The following DLC1 variants were observed in gnomAD, a reference collection of about 807,000 sequenced individuals.
DLC1 encodes DLC1 Rho GTPase activating protein, also known as rho GTPase-activating protein 7.
DLC1 carries 54 observed loss-of-function variants against 140.3 expected under a neutral mutation model. The ratio of observed to expected loss-of-function variants is 0.38; its 90% confidence interval spans 0.31 to 0.48. The LOEUF (loss-of-function observed/expected upper bound fraction) is 0.48. DLC1 is among the 20% of genes least tolerant of loss of function. The pLI is 0.96. For missense variants in DLC1, 2,536 were observed against 1,907.0 expected, an observed-to-expected ratio of 1.33 and a Z score of -6.14; for synonymous variants, 986 against 728.1, an observed-to-expected ratio of 1.35 and a Z score of -5.70.
intron 2 of DLC1, among the ~76,000 whole-genome samples, chr8:13,413,252 T>A (rs1211180679): frequency 7.7e-6 from 1 of 130,448 alleles, no homozygotes; most frequent in Non-Finnish European, 1.6e-5. Context: ...GAGATTTTTT[T>A]GCGATTTTTT....
chr8:13,498,895 G>T, intron 2 of DLC1, 154 bp downstream of exon 2: 2 of 783,760 alleles, frequency 2.6e-6, no homozygotes, highest in Non-Finnish European at 3.8e-6. Context: ...TATTTTGATG[G>T]TTTGACCAAG....
In DLC1 at chr8:13,416,202, T is replaced by C. The variant is rs544526783; in HGVS notation, c.1024-14583A>G. ...CCTGTTTCACTGTCTTTCTACATCCTAAGTTTCATGTGTATAAAATTTGCT... is the reference window on the plus strand; with the variant it reads ...CCTGTTTCACTGTCTTTCTACATCCCAAGTTTCATGTGTATAAAATTTGCT... On this transcript the variant is annotated intron_variant, in intron 2 of 17. Transcript: ENST00000276297. Among the ~76,000 whole-genome samples, 166 of 152,286 alleles carry C rather than the reference T, an allele frequency of 1.1e-3. 3 individuals are homozygous for C. The South Asian group carries it at 0.033, about 31-fold the overall frequency.
At chr8:13,437,485 T>C (rs1220199654) in intron 2 of DLC1, among the ~76,000 whole-genome samples, 1 of 152,226 alleles carries the variant, frequency 6.6e-6, no homozygotes, top group Non-Finnish European at 1.5e-5. Flanking sequence ...AAGTAAATCA[T>C]GTTCACATTA....
intron 5 of DLC1, among the ~76,000 whole-genome samples, chr8:13,211,645 A>T (rs1214353423): frequency 4.6e-5 from 7 of 152,194 alleles, no homozygotes; most frequent in African/African-American, 1.4e-4. Flanking sequence ...GTTGTCAACA[A>T]ATGCTAGTCA....
intron 2 of DLC1, among the ~76,000 whole-genome samples, chr8:13,421,861 G>A (rs1227760573): frequency 6.6e-6 from 1 of 152,052 alleles, no homozygotes; most frequent in Non-Finnish European, 1.5e-5. Flanking sequence ...CTCTGGCACA[G>A]GGAACAGAAA....
intron 2 of DLC1, among the ~76,000 whole-genome samples, chr8:13,435,501 A>G (rs1317023676): frequency 6.6e-6 from 1 of 152,044 alleles, no homozygotes; most frequent in Non-Finnish European, 1.5e-5. Context: ...TTTAGTAGAG[A>G]TGGGGTTTCT....
intron 1 of DLC1, among the ~76,000 whole-genome samples, chr8:13,574,312 TTATC>T (rs775762971): frequency 2.0e-5 from 3 of 152,204 alleles, no homozygotes; most frequent in Non-Finnish European, 4.4e-5. Flanking sequence ...AAGTAGAAAG[TTATC>T]TATTATTAAT....
In DLC1 at chr8:13,237,837, C is replaced by G. The variant is rs144382296; in HGVS notation, c.1348+67432G>C. Among the ~76,000 whole-genome samples the G allele has an allele frequency of 6.6e-5, 10 of 151,714 alleles. No homozygotes were observed. In the South Asian group the frequency reaches 1.9e-3, roughly 28 times the overall value. On this transcript the variant is annotated intron_variant, in intron 5 of 17. Transcript: ENST00000276297. ...CCAGAGAATATGAAGCCTCATATCT[C>G]TTCCTGGGTTATAACAGATCATTTA...
At chr8:13,219,646 T>A (rs1828445135) in intron 5 of DLC1, among the ~76,000 whole-genome samples, 1 of 151,898 alleles carries the variant, frequency 6.6e-6, no homozygotes, top group East Asian at 1.9e-4. Flanking sequence ...TTTTTGGAGA[T>A]ATCTATATAT....
upstream of DLC1, chr8:13,514,872 T>A: frequency 2.6e-6 from 1 of 381,882 alleles, no homozygotes; most frequent in South Asian, 1.5e-4. Flanking sequence ...AAAAGGGGCC[T>A]CCACAACCAG....
intron 2 of DLC1, among the ~76,000 whole-genome samples, chr8:13,453,400 A>ATGTGTGTATATATATATATATATG (rs1166173314): frequency 2.6e-5 from 1 of 38,862 alleles, no homozygotes; most frequent in Non-Finnish European, 4.9e-5. Flanking sequence ...ATATATATAT[A>ATGTGTGTATATATATATATATATG]TGTGTATATA....
intron 4 of DLC1, among the ~76,000 whole-genome samples, chr8:13,335,548 C>T (rs560500089): frequency 1.3e-5 from 2 of 152,074 alleles, no homozygotes; most frequent in South Asian, 2.1e-4. Context: ...CTCTAAACCT[C>T]GATTGAAGTT....
chr8:13,206,879 A>T (rs1277007513), intron 5 of DLC1, among the ~76,000 whole-genome samples: 1 of 152,168 alleles, frequency 6.6e-6, no homozygotes, highest in Non-Finnish European at 1.5e-5. Context: ...ACAAAAATCA[A>T]ATAACTCAAA....
chr8:13,450,588 T>C (rs1798994116), intron 2 of DLC1, among the ~76,000 whole-genome samples: 2 of 152,162 alleles, frequency 1.3e-5, no homozygotes, highest in African/African-American at 4.8e-5. Context: ...TACTTGAAAT[T>C]GTATTCTTTA....
At chr8:13,175,224 T>G (rs1244631043) in intron 5 of DLC1, among the ~76,000 whole-genome samples, 1 of 152,100 alleles carries the variant, frequency 6.6e-6, no homozygotes, top group Non-Finnish European at 1.5e-5. Flanking sequence ...TCTGTGTTTA[T>G]TTTTGCACCA....
At chr8:13,404,327 CAAG>C (rs1393630072) in intron 2 of DLC1, among the ~76,000 whole-genome samples, 3 of 152,082 alleles carry the variant, frequency 2.0e-5, no homozygotes, top group Non-Finnish European at 4.4e-5. Context: ...TTCAAGCTGC[CAAG>C]AAGATGTTAC....
At chr8:13,588,337 G>A (rs1024609827) in intron 1 of DLC1, among the ~76,000 whole-genome samples, 1 of 152,110 alleles carries the variant, frequency 6.6e-6, no homozygotes, top group African/African-American at 2.4e-5. Flanking sequence ...GAAAGGGAGA[G>A]GTTTGTCAGA....
At chr8:13,290,808 C>T (rs141641366) in intron 5 of DLC1, among the ~76,000 whole-genome samples, 2 of 152,152 alleles carry the variant, frequency 1.3e-5, no homozygotes, top group Middle Eastern at 3.4e-3. Flanking sequence ...GAGGAAAGTG[C>T]GGGTTGTGGA....
chr8:13,535,669 T>TTAAAAA (rs1554540006), intron 1 of DLC1, among the ~76,000 whole-genome samples: 3 of 114,704 alleles, frequency 2.6e-5, no homozygotes, highest in Non-Finnish European at 3.4e-5. Flanking sequence ...CATTGCTCAT[T>TTAAAAA]AAAAAAAAAA....
Sources: gnomAD v4.1 joint callset for allele counts (sites outside exome capture counted in the v4.1 genomes callset) on GRCh38, gnomAD v4.1.1 for gene constraint, MANE v1.5 for transcripts, NCBI Gene and HGNC (gene_info 2026-07-23, HGNC 2026-07-21) for gene names.